OGN: variants seen among roughly 807,000 people sequenced by gnomAD.
OGN encodes the protein mimecan.
In OGN, 19 loss-of-function variants were observed where a neutral mutation model predicts 30.8. The observed-to-expected ratio is 0.62, with a 90% CI of 0.43 to 0.90. The LOEUF (loss-of-function observed/expected upper bound fraction) is 0.90, where lower values mean the gene tolerates loss of function less well. Among genes scored for constraint, OGN ranks in the 40% least tolerant of loss-of-function variants. The pLI is 0.00. For synonymous variants in OGN, 126 were observed against 128.3 expected, an observed-to-expected ratio of 0.98 and a Z score of 0.12; for missense variants, 283 against 349.7, an observed-to-expected ratio of 0.81 and a Z score of 1.52.
Position 92,391,741 on chromosome 9 carries a change from T to G in OGN, c.427+1345A>C, listed in dbSNP as rs376361386. On this transcript the variant is annotated intron_variant, in intron 4 of 6. Coordinates refer to ENST00000375561, the MANE Select transcript of OGN (RefSeq NM_014057.5). ...TATGAGAACTGGAACCAGAAGACAG[T>G]GTTACCTTGTTCAACCTCAGATGGG... Among the ~76,000 whole-genome samples the G allele has an allele frequency of 9.2e-5, 14 of 152,330 alleles. No homozygotes were observed. The South Asian group carries it at 2.5e-3, about 27-fold the overall frequency.
At chr9:92,395,297 CT>C (rs1842850155) in intron 3 of OGN, among the ~76,000 whole-genome samples, 1 of 152,176 alleles carries the variant, frequency 6.6e-6, no homozygotes, top group South Asian at 2.1e-4. Flanking sequence ...CATGGAGTAT[CT>C]ACTTCCTTTT....
Position 92,390,587 on chromosome 9 carries a change from T to TGTGTGTGCGCGC in OGN, c.428-532_428-531insGCGCGCACACAC, listed in dbSNP as rs749697394. On this transcript the variant is annotated intron_variant, in intron 4 of 6. Coordinates refer to ENST00000375561, the MANE Select transcript of OGN (RefSeq NM_014057.5). ...CAGTGTGTGTGTGTGTGTGTGTGTG[T>TGTGTGTGCGCGC]GCGCGCGCGCGTACTTGCGTGTGCA... Among the ~76,000 whole-genome samples the TGTGTGTGCGCGC allele has an allele frequency of 7.4e-3, 1,048 of 141,898 alleles. 10 individuals are homozygous for TGTGTGTGCGCGC. Among genetic ancestry groups the TGTGTGTGCGCGC allele is most frequent in the Middle Eastern group, 0.018 (5 of 274 alleles). The allele number at this position is 141,898 out of a possible 152,430, so 93.1% of individuals were successfully genotyped here.
At chr9:92,390,587 T>TGTGTGTGTGTGTGTGTGTGCGCGC (rs749697394) in intron 4 of OGN, among the ~76,000 whole-genome samples, 9 of 141,914 alleles carry the variant, frequency 6.3e-5, no homozygotes, top group Non-Finnish European at 1.4e-4. Context: ...TGTGTGTGTG[T>TGTGTGTGTGTGTGTGTGTGCGCGC]GCGCGCGCGC....
At chr9:92,389,288 C>T (rs1842570268) in intron 5 of OGN, among the ~76,000 whole-genome samples, 1 of 152,114 alleles carries the variant, frequency 6.6e-6, no homozygotes, top group Non-Finnish European at 1.5e-5. Flanking sequence ...GATTACTTTC[C>T]CTTTTTCCTA....
intron 3 of OGN, among the ~76,000 whole-genome samples, chr9:92,394,665 T>C (rs112136733): frequency 0.035 from 5,388 of 152,082 alleles, 127 homozygotes; most frequent in South Asian, 0.085. Flanking sequence ...AGTGCAGTGG[T>C]GTGATCTCGG....
At chr9:92,389,142 T>C (rs917761308) in intron 5 of OGN, among the ~76,000 whole-genome samples, 1 of 152,176 alleles carries the variant, frequency 6.6e-6, no homozygotes, top group African/African-American at 2.4e-5. Flanking sequence ...AATGAGATTA[T>C]GTCTGTTACC....
chr9:92,393,816 G>A (rs1842783382), intron 3 of OGN, among the ~76,000 whole-genome samples: 2 of 151,600 alleles, frequency 1.3e-5, no homozygotes, highest in East Asian at 3.9e-4. Flanking sequence ...TCTTTTTCAG[G>A]GCATTTATTC....
At chr9:92,402,669 A>G (rs1323490767) in intron 2 of OGN, among the ~76,000 whole-genome samples, 2 of 152,178 alleles carry the variant, frequency 1.3e-5, no homozygotes, top group African/African-American at 4.8e-5. Context: ...CAATTGATAG[A>G]GGGTCTAAAC....
intron 4 of OGN, 26 bp downstream of exon 4, chr9:92,393,060 T>C (rs376190261): frequency 5.8e-5 from 92 of 1,595,172 alleles, no homozygotes; most frequent in Non-Finnish European, 7.7e-5. Context: ...GAGTTAATAC[T>C]AATATCATAT....
chr9:92,385,890 C>G, intron 6 of OGN, 100 bp from the exon 7 acceptor site: 2 of 1,050,214 alleles, frequency 1.9e-6, no homozygotes, highest in South Asian at 2.9e-5. Flanking sequence ...TCTGAGTGCC[C>G]CCTCACTTCA....
chr9:92,386,052 T>G (rs1202784112), intron 6 of OGN, 149 bp downstream of exon 6: 1 of 667,524 alleles, frequency 1.5e-6, no homozygotes, highest in Non-Finnish European at 2.6e-6. Flanking sequence ...AGCCTAGTAT[T>G]AATCTTTTTG....
At chr9:92,399,984 AC>A (rs1345236747) in intron 3 of OGN, among the ~76,000 whole-genome samples, 4 of 152,182 alleles carry the variant, frequency 2.6e-5, no homozygotes, top group Non-Finnish European at 5.9e-5. Context: ...GTTATTTGTT[AC>A]ATGTTGTTCC....
rs41301527 is a variant in OGN, at chr9:92,385,359, T to A, written c.*261A>T. ...TTGGGCATTTATATAAAAACATGAT[T>A]TTTAAATGGTAGTCTAGTATAAACT... On this transcript the variant is annotated 3_prime_UTR_variant, in exon 7 of 7. Coordinates refer to ENST00000375561, the MANE Select transcript of OGN (RefSeq NM_014057.5). 11,088 of 310,592 alleles carry A rather than the reference T, an allele frequency of 0.036. 280 individuals are homozygous for A. The highest frequency in any genetic ancestry group is 0.077 in the South Asian group (1,110 of 14,334). The allele number at this position is 310,592 out of a possible 1,614,324, so 19.2% of individuals were successfully genotyped here.
In OGN at chr9:92,385,794, A is replaced by G. The variant is rs758609787; in HGVS notation, c.727-4T>C. 6.2e-7 allele frequency: 1 copy of G among 1,612,252 alleles called. No individual in the cohort carries two copies. The highest frequency in any genetic ancestry group is 1.7e-5 in the Admixed American group (1 of 59,850). ...TAATTGAAGCTATGTTGTTGAACTG[A>G]AAAAAAACGAGGAAAACATTGTTCA... On this transcript the variant is annotated splice_region_variant and splice_polypyrimidine_tract_variant and intron_variant, in intron 6 of 6. Coordinates refer to ENST00000375561, the MANE Select transcript of OGN (RefSeq NM_014057.5).
At position 92,386,394 on chromosome 9, in the gene OGN, T is replaced by C. The variant is rs531588222; in HGVS notation, c.631-98A>G. 475 of 731,510 alleles carry C rather than the reference T, an allele frequency of 6.5e-4. 4 individuals are homozygous for C. In the South Asian group the frequency reaches 7.2e-3, roughly 11 times the overall value. 45.3% of individuals were successfully genotyped at this position (731,510 alleles called of 1,614,324 possible). ...GTGCATATGAGTATATGTCTATATATACAGACTTGCATATTGATATGAATA... is the reference window on the plus strand; with the variant it reads ...GTGCATATGAGTATATGTCTATATACACAGACTTGCATATTGATATGAATA... On this transcript the variant is annotated intron_variant, in intron 5 of 6. Coordinates refer to ENST00000375561, the MANE Select transcript of OGN (RefSeq NM_014057.5).
At chr9:92,390,159 T>C in intron 4 of OGN, 103 bp from the exon 5 acceptor site, 1 of 683,300 alleles carries the variant, frequency 1.5e-6, no homozygotes, top group South Asian at 1.9e-5. Flanking sequence ...ATCTTTCATT[T>C]TTAGTGCCTG....
rs772687431 is a variant in OGN at position 92,401,184 on chromosome 9, T to G, written c.176A>C (p.Glu59Ala). 9 of 1,419,882 alleles carry G rather than the reference T, an allele frequency of 6.3e-6. No homozygotes were observed. Among genetic ancestry groups the G allele is most frequent in the Non-Finnish European group, 8.9e-6 (9 of 1,010,482 alleles). The allele number at this position is 1,419,882 out of a possible 1,614,324, so 88.0% of individuals were successfully genotyped here. ...DKYLDGKNIKEKETVIIPNEK... is the reference protein window; with the variant it reads ...DKYLDGKNIKAKETVIIPNEK... ...ATTGGGTATTATCACAGTTTCTTTT[T>G]CCTATTGGAAAAATAAAAGTTTGTT... is the stretch of plus-strand genomic sequence containing the variant. Residue 59 changes from glutamate (E) to alanine (A), a missense_variant and splice_region_variant, in exon 3 of 7, where the codon GAA (glutamate) becomes GCA (alanine). Glu to Ala is a moderately radical substitution (Grantham distance 107). Transcript: ENST00000375561.
At chr9:92,387,955 G>T (rs1333337357) in intron 5 of OGN, among the ~76,000 whole-genome samples, 1 of 149,356 alleles carries the variant, frequency 6.7e-6, no homozygotes, top group African/African-American at 2.5e-5. Context: ...GTAGAGACAG[G>T]GTTTCACCAT....
chr9:92,397,472 A>G (rs1344170726), intron 3 of OGN, among the ~76,000 whole-genome samples: 1 of 152,044 alleles, frequency 6.6e-6, no homozygotes, highest in Non-Finnish European at 1.5e-5. Flanking sequence ...GATTACAGAC[A>G]TGTGCCACCA....
Sources: allele counts gnomAD v4.1 joint callset (sites outside exome capture counted in the v4.1 genomes callset), GRCh38; gene constraint gnomAD v4.1.1; transcripts MANE v1.5; gene names NCBI Gene and HGNC (gene_info 2026-07-23, HGNC 2026-07-21).